The following HS3ST5 variants were observed in gnomAD, a reference collection of about 807,000 sequenced individuals.
HS3ST5 encodes the protein heparan sulfate-glucosamine 3-sulfotransferase 5.
HS3ST5 carries 10 observed loss-of-function variants against 25.4 expected under a neutral mutation model. The observed-to-expected ratio is 0.39, with a 90% CI of 0.24 to 0.67. The LOEUF (loss-of-function observed/expected upper bound fraction) is 0.67. Ranked by LOEUF, HS3ST5 falls within the 30% of genes least tolerant of loss-of-function variation. HS3ST5 has a pLI of 0.44. For synonymous variants in HS3ST5, 170 were observed against 162.4 expected, an observed-to-expected ratio of 1.05 and a Z score of -0.36; for missense variants, 324 against 420.7, an observed-to-expected ratio of 0.77 and a Z score of 2.01.
intron 1 of HS3ST5, among the ~76,000 whole-genome samples, chr6:114,273,875 A>ATT (rs1333185875): frequency 6.6e-6 from 1 of 152,050 alleles, no homozygotes; most frequent in Admixed American, 6.6e-5. Context: ...ACAGCTGTTT[A>ATT]GAAAAGTTCT....
chr6:114,098,026 T>C (rs919133537), intron 3 of HS3ST5, among the ~76,000 whole-genome samples: 5 of 152,010 alleles, frequency 3.3e-5, no homozygotes, highest in Admixed American at 3.3e-4. Flanking sequence ...CTTCTTTCAC[T>C]AGTATAGTAC....
At chr6:114,096,214 A>C (rs918743837) in intron 3 of HS3ST5, among the ~76,000 whole-genome samples, 2 of 152,192 alleles carry the variant, frequency 1.3e-5, no homozygotes. Flanking sequence ...ATCACCCTTG[A>C]GCCCGTCATC....
At chr6:114,161,135 T>C (rs936258524) in intron 3 of HS3ST5, among the ~76,000 whole-genome samples, 2 of 151,894 alleles carry the variant, frequency 1.3e-5, no homozygotes, top group African/African-American at 4.8e-5. Flanking sequence ...GTGTTTGCCA[T>C]AAATTACCAA....
chr6:114,170,386 C>T (rs971551062), intron 2 of HS3ST5, among the ~76,000 whole-genome samples: 1 of 151,886 alleles, frequency 6.6e-6, no homozygotes, highest in Non-Finnish European at 1.5e-5. Flanking sequence ...AAAATTTAAT[C>T]ACAAAATTAT....
chr6:114,298,689 A>G (rs1250121589), intron 1 of HS3ST5, among the ~76,000 whole-genome samples: 1 of 152,232 alleles, frequency 6.6e-6, no homozygotes, highest in African/African-American at 2.4e-5. Flanking sequence ...AAGAACGTGG[A>G]TTGTGAAGAT....
intron 1 of HS3ST5, among the ~76,000 whole-genome samples, chr6:114,260,688 C>T (rs913697039): frequency 6.6e-6 from 1 of 152,150 alleles, no homozygotes; most frequent in Non-Finnish European, 1.5e-5. Flanking sequence ...AAAACAAATA[C>T]TTGAAGCCAT....
At chr6:114,175,952 G>A (rs190903039) in intron 2 of HS3ST5, among the ~76,000 whole-genome samples, 1 of 152,222 alleles carries the variant, frequency 6.6e-6, no homozygotes, top group Non-Finnish European at 1.5e-5. Context: ...TTATCTTGAA[G>A]TATAATGAAA....
intron 1 of HS3ST5, among the ~76,000 whole-genome samples, chr6:114,307,819 A>G (rs1388167595): frequency 1.3e-5 from 2 of 152,016 alleles, no homozygotes. Context: ...TCTTATCAAT[A>G]TATTATTATT....
At chr6:114,326,621 CA>C (rs1246545376) in intron 1 of HS3ST5, among the ~76,000 whole-genome samples, 3 of 152,248 alleles carry the variant, frequency 2.0e-5, no homozygotes, top group African/African-American at 7.2e-5. Context: ...ATTGAGTTGT[CA>C]AACATACTCA....
chr6:114,313,758 A>G (rs1775634102), intron 1 of HS3ST5, among the ~76,000 whole-genome samples: 1 of 152,224 alleles, frequency 6.6e-6, no homozygotes, highest in Non-Finnish European at 1.5e-5. Flanking sequence ...TAGATTTGTC[A>G]TAACTCAATG....
rs145625553 is a variant in HS3ST5 at position 114,138,125 on chromosome 6, C to T, written c.-33+30226G>A. ...GAAGTAGTAGTAATTAAATTAGCAC[C>T]CATTTCTGATTCCTTAGTCCATTAT... On this transcript the variant is annotated intron_variant, in intron 3 of 4. Coordinates refer to ENST00000312719, the MANE Select transcript of HS3ST5 (RefSeq NM_153612.4). 2.5e-3 allele frequency among the ~76,000 whole-genome samples: 383 copies of T among 152,098 alleles called. 3 individuals carry two copies. The highest frequency in any genetic ancestry group is 8.6e-3 in the African/African-American group (359 of 41,508).
intron 1 of HS3ST5, among the ~76,000 whole-genome samples, chr6:114,293,030 C>A (rs1328926368): frequency 1.3e-5 from 2 of 151,664 alleles, no homozygotes; most frequent in African/African-American, 4.8e-5. Flanking sequence ...CATTAATGAT[C>A]ATAATACAGT....
At chr6:114,312,542 T>C (rs1300658398) in intron 1 of HS3ST5, among the ~76,000 whole-genome samples, 3 of 152,068 alleles carry the variant, frequency 2.0e-5, no homozygotes, top group African/African-American at 7.2e-5. Context: ...TGAACTTCAT[T>C]AAAGTTATAA....
rs1773201489 is a variant in HS3ST5, at chr6:114,062,719, C to T, written c.107+20G>A. 6.7e-7 allele frequency: 1 copy of T among 1,489,748 alleles called. No individual in the cohort carries two copies. Among genetic ancestry groups the T allele is most frequent in the Admixed American group, 1.7e-5 (1 of 59,738 alleles). The allele number at this position is 1,489,748 out of a possible 1,614,324, so 92.3% of individuals were successfully genotyped here. A position where few individuals can be genotyped will look rare whatever the true frequency, so the allele number is the denominator to read the frequency against. ...AGCCTTAATGTCACAGGGGTATAAG[C>T]ATGTGTTTTAAGCACCCACCTATCC... On this transcript the variant is annotated intron_variant, in intron 4 of 4. Coordinates refer to ENST00000312719, the MANE Select transcript of HS3ST5 (RefSeq NM_153612.4).
At chr6:114,173,003 G>A (rs1489577566) in intron 2 of HS3ST5, among the ~76,000 whole-genome samples, 1 of 152,192 alleles carries the variant, frequency 6.6e-6, no homozygotes, top group East Asian at 1.9e-4. Flanking sequence ...TGTTGTGACT[G>A]GCAGTGAGTT....
intron 3 of HS3ST5, among the ~76,000 whole-genome samples, chr6:114,128,826 T>C (rs1777181466): frequency 6.6e-6 from 1 of 152,226 alleles, no homozygotes; most frequent in Admixed American, 6.5e-5. Flanking sequence ...TGGTTCCTTA[T>C]AGCTCTCAGT....
chr6:114,262,630 A>G (rs192515529), intron 1 of HS3ST5, among the ~76,000 whole-genome samples: 194 of 152,192 alleles, frequency 1.3e-3, no homozygotes, highest in Admixed American at 2.0e-3. Flanking sequence ...ATGAAATGAA[A>G]ATGTCTTAGA....
chr6:114,330,816 A>C (rs1253215981), intron 1 of HS3ST5, among the ~76,000 whole-genome samples: 1 of 152,158 alleles, frequency 6.6e-6, no homozygotes, highest in Non-Finnish European at 1.5e-5. Context: ...CATTACCAGA[A>C]TGTCTTCCCC....
chr6:114,266,394 T>C (rs992324399), intron 1 of HS3ST5, among the ~76,000 whole-genome samples: 1 of 152,206 alleles, frequency 6.6e-6, no homozygotes, highest in Admixed American at 6.5e-5. Flanking sequence ...TTATATAAAG[T>C]TAGTTTTGAG....
Sources: gnomAD v4.1 joint callset for allele counts (sites outside exome capture counted in the v4.1 genomes callset) on GRCh38, gnomAD v4.1.1 for gene constraint, MANE v1.5 for transcripts, NCBI Gene and HGNC (gene_info 2026-07-23, HGNC 2026-07-21) for gene names.